Variants in CHCHD3 observed in about 807,000 individuals in gnomAD.
CHCHD3 encodes coiled-coil-helix-coiled-coil-helix domain containing 3.
CHCHD3 carries 20 observed loss-of-function variants against 38.2 expected under a neutral mutation model. The observed-to-expected ratio is 0.52, with a 90% CI of 0.37 to 0.76. The LOEUF (loss-of-function observed/expected upper bound fraction) is 0.76, where lower values mean the gene tolerates loss of function less well. CHCHD3 is among the 30% of genes least tolerant of loss of function. The probability of loss-of-function intolerance (pLI) is 0.00; values close to 1 mark genes in which losing one functional copy is unlikely to be tolerated. For synonymous variants in CHCHD3, 82 were observed against 100.0 expected (o/e 0.82, Z 1.07); for missense variants, 245 against 279.2 (o/e 0.88, Z 0.87).
intron 4 of CHCHD3, among the ~76,000 whole-genome samples, chr7:132,966,934 T>C (rs1370077125): frequency 3.9e-5 from 6 of 152,126 alleles, no homozygotes; most frequent in African/African-American, 1.4e-4. Context: ...GACCAGGCAA[T>C]GAAGTAAATA....
intron 4 of CHCHD3, among the ~76,000 whole-genome samples, chr7:132,887,522 A>T (rs1449297336): frequency 6.6e-6 from 1 of 151,826 alleles, no homozygotes; most frequent in Non-Finnish European, 1.5e-5. Context: ...CAAGTAACAA[A>T]AACAGGAAAA....
chr7:132,846,053 G>A (rs1022721137), intron 5 of CHCHD3, among the ~76,000 whole-genome samples: 5 of 152,154 alleles, frequency 3.3e-5, no homozygotes, highest in African/African-American at 1.2e-4. Flanking sequence ...GAACCCAGTG[G>A]TAGATGGCAA....
chr7:132,860,780 C>T (rs1243944795), intron 5 of CHCHD3, among the ~76,000 whole-genome samples: 3 of 152,142 alleles, frequency 2.0e-5, no homozygotes, highest in Non-Finnish European at 2.9e-5. Context: ...GTGCATGCCA[C>T]ACCTGGCTAA....
At position 132,899,637 on chromosome 7, in the gene CHCHD3, G is replaced by A. The variant is rs144388178; in HGVS notation, c.370-13892C>T. On this transcript the variant is annotated intron_variant, in intron 4 of 7. Transcript: ENST00000262570. ...TATGCAGGCCAGGCAGAGTAAATCCGATTGAACTTATGGAATACTATTTGA... is the reference window on the plus strand; with the variant it reads ...TATGCAGGCCAGGCAGAGTAAATCCAATTGAACTTATGGAATACTATTTGA... 7.1e-4 allele frequency among the ~76,000 whole-genome samples: 108 copies of A among 152,266 alleles called. 3 individuals are homozygous for A. In the East Asian group the frequency reaches 0.017, roughly 24 times the overall value.
chr7:132,894,048 A>G (rs373138433), intron 4 of CHCHD3, among the ~76,000 whole-genome samples: 2 of 152,202 alleles, frequency 1.3e-5, no homozygotes, highest in East Asian at 3.8e-4. Flanking sequence ...ACATTGAATA[A>G]AGACAGGAGG....
At position 133,042,548 on chromosome 7, in the gene CHCHD3, G is replaced by A. The variant is rs188705041; in HGVS notation, c.170-17921C>T. On this transcript the variant is annotated intron_variant, in intron 2 of 7. Transcript: ENST00000262570. ...ACTCTGCGATGACACAGGGGACCAG[G>A]CAAGGCCAATATACTGCAGAAATCA... Among the ~76,000 whole-genome samples, 9 of 152,280 alleles carry A rather than the reference G, an allele frequency of 5.9e-5. No homozygotes were observed. The East Asian group carries it at 1.7e-3, about 29-fold the overall frequency.
In CHCHD3 at chr7:132,851,961, A is replaced by G. The variant is rs75991972; in HGVS notation, c.454-13492T>C. Among the ~76,000 whole-genome samples, 582 of 152,314 alleles carry G rather than the reference A, an allele frequency of 3.8e-3. 3 individuals are homozygous for G. The highest frequency in any genetic ancestry group is 0.013 in the African/African-American group (559 of 41,560). ...CTAACAAACTCTCTTGTGCTTGCTC[A>G]GCTACAGGAGGAGCACGTGCACACA... On this transcript the variant is annotated intron_variant, in intron 5 of 7. Coordinates refer to ENST00000262570, the MANE Select transcript of CHCHD3 (RefSeq NM_017812.4).
intron 4 of CHCHD3, among the ~76,000 whole-genome samples, chr7:132,947,925 A>G (rs1235555707): frequency 6.6e-6 from 1 of 152,094 alleles, no homozygotes; most frequent in Non-Finnish European, 1.5e-5. Context: ...TAAAATGCCA[A>G]AAGGATTATC....
At chr7:132,896,432 T>A (rs781115839) in intron 4 of CHCHD3, among the ~76,000 whole-genome samples, 1 of 152,206 alleles carries the variant, frequency 6.6e-6, no homozygotes, top group South Asian at 2.1e-4. Flanking sequence ...GATTCCATTA[T>A]AACTTACAAG....
chr7:133,061,306 G>T (rs1419482550), intron 2 of CHCHD3, among the ~76,000 whole-genome samples: 1 of 152,020 alleles, frequency 6.6e-6, no homozygotes, highest in East Asian at 1.9e-4. Context: ...AAAAGATAAT[G>T]GTGGCCAGAC....
chr7:133,026,436 T>C (rs1352523453), intron 2 of CHCHD3, among the ~76,000 whole-genome samples: 1 of 152,186 alleles, frequency 6.6e-6, no homozygotes, highest in Non-Finnish European at 1.5e-5. Context: ...GAATGCAAAA[T>C]GGCTCAGCCA....
chr7:133,075,574 C>A (rs996893908), intron 1 of CHCHD3, among the ~76,000 whole-genome samples: 1 of 152,178 alleles, frequency 6.6e-6, no homozygotes, highest in Non-Finnish European at 1.5e-5. Context: ...AAGTTCAGAC[C>A]TGCACACTCA....
chr7:132,855,716 C>T (rs1257377343), intron 5 of CHCHD3, among the ~76,000 whole-genome samples: 2 of 151,984 alleles, frequency 1.3e-5, no homozygotes, highest in Non-Finnish European at 2.9e-5. Flanking sequence ...ACACTAAGAG[C>T]CCTGCAGTAT....
intron 4 of CHCHD3, among the ~76,000 whole-genome samples, chr7:132,955,177 T>G (rs866664496): frequency 7.2e-6 from 1 of 138,036 alleles, no homozygotes; most frequent in African/African-American, 3.2e-5. Flanking sequence ...TCAGAGGGTG[T>G]GTGTGTGTGT....
intron 4 of CHCHD3, among the ~76,000 whole-genome samples, chr7:132,901,327 G>A (rs530177206): frequency 6.6e-6 from 1 of 152,324 alleles, no homozygotes; most frequent in South Asian, 2.1e-4. Flanking sequence ...AAGAGAATGC[G>A]CTCAAAGCAC....
intron 5 of CHCHD3, among the ~76,000 whole-genome samples, chr7:132,839,533 CA>C (rs1378386771): frequency 2.0e-5 from 3 of 152,172 alleles, no homozygotes; most frequent in Admixed American, 6.6e-5. Context: ...AAAACAACAA[CA>C]ACAAAACACC....
chr7:132,837,575 T>G (rs1807818796), intron 6 of CHCHD3, among the ~76,000 whole-genome samples: 1 of 152,240 alleles, frequency 6.6e-6, no homozygotes, highest in South Asian at 2.1e-4. Flanking sequence ...AATTGTACTG[T>G]AGCAGAAAGT....
At chr7:132,888,881 AAGGG>A (rs1391224880) in intron 4 of CHCHD3, among the ~76,000 whole-genome samples, 1 of 152,222 alleles carries the variant, frequency 6.6e-6, no homozygotes, top group African/African-American at 2.4e-5. Context: ...GGAGGAGCAG[AAGGG>A]AGGGACAGAG....
At chr7:133,051,017 AAAAAT>A (rs1337729851) in intron 2 of CHCHD3, among the ~76,000 whole-genome samples, 1 of 152,204 alleles carries the variant, frequency 6.6e-6, no homozygotes, top group Non-Finnish European at 1.5e-5. Context: ...CTCCATCTCA[AAAAAT>A]AAAATAAAAT....
Sources: gnomAD v4.1 joint callset for allele counts (sites outside exome capture counted in the v4.1 genomes callset) on GRCh38, gnomAD v4.1.1 for gene constraint, MANE v1.5 for transcripts, NCBI Gene and HGNC (gene_info 2026-07-23, HGNC 2026-07-21) for gene names.